IGSF9B: variants seen among roughly 807,000 people sequenced by gnomAD.
IGSF9B encodes the protein protein turtle homolog B.
A neutral mutation model predicts 143.7 loss-of-function variants in IGSF9B; 48 were observed. The observed-to-expected ratio is 0.33, with a 90% CI of 0.26 to 0.42. The LOEUF (loss-of-function observed/expected upper bound fraction) is 0.42. IGSF9B is among the 20% of genes least tolerant of loss of function. The probability of loss-of-function intolerance (pLI) is 1.00; values close to 1 mark genes in which losing one functional copy is unlikely to be tolerated. For synonymous variants in IGSF9B, 903 were observed against 833.1 expected, an observed-to-expected ratio of 1.08 and a Z score of -1.44; for missense variants, 1,706 against 1,980.0, an observed-to-expected ratio of 0.86 and a Z score of 2.63.
chr11:133,914,573 C>T (rs1939348444), intron 18 of IGSF9B, among the ~76,000 whole-genome samples: 1 of 152,106 alleles, frequency 6.6e-6, no homozygotes. Context: ...GCCGATTTTC[C>T]CTTGAGAAAC....
chr11:133,929,839 GC>G, intron 11 of IGSF9B, 57 bp from the exon 12 acceptor site: 2 of 1,189,898 alleles, frequency 1.7e-6, no homozygotes, highest in Non-Finnish European at 2.5e-6. Context: ...GTGGCTGGGT[GC>G]CCACCGTCTG....
intron 1 of IGSF9B, among the ~76,000 whole-genome samples, chr11:133,954,306 T>C (rs900906170): frequency 6.6e-6 from 1 of 152,170 alleles, no homozygotes; most frequent in African/African-American, 2.4e-5. Context: ...TGCAAAGGAC[T>C]TCCGAGCAGC....
At position 133,909,016 on chromosome 11, in the gene IGSF9B, T is replaced by G; in HGVS notation, c.*53A>C. ...AGGACACACCCCCACACAGTGGCCC[T>G]CCCTGCCTGAGCCCAGCAACCTCGC... On this transcript the variant is annotated 3_prime_UTR_variant, in exon 20 of 20. Coordinates refer to ENST00000533871, the MANE Select transcript of IGSF9B (RefSeq NM_001277285.4). The surrounding 1 kb of genome is among the most constrained non-coding windows in gnomAD (Gnocchi z 4.2). The G allele has an allele frequency of 6.8e-7, 1 of 1,465,916 alleles. No homozygotes were observed. The highest frequency in any genetic ancestry group is 9.2e-7 in the Non-Finnish European group (1 of 1,086,616). The allele number at this position is 1,465,916 out of a possible 1,614,324, so 90.8% of individuals were successfully genotyped here.
At position 133,946,001 on chromosome 11, in the gene IGSF9B, A is replaced by G; in HGVS notation, c.262+60T>C. On this transcript the variant is annotated intron_variant, in intron 2 of 19. Coordinates refer to ENST00000533871, the MANE Select transcript of IGSF9B (RefSeq NM_001277285.4). ...AGGACAAGGCAGGGGCCAGAGGGGA[A>G]CCACCGAGGAGCTGACTCCAGCTGG... The G allele has an allele frequency of 3.3e-6, 4 of 1,201,800 alleles. No individual in the cohort carries two copies. The East Asian group carries it at 7.7e-5, about 23-fold the overall frequency. 74.4% of individuals were successfully genotyped at this position (1,201,800 alleles called of 1,614,324 possible).
In IGSF9B at chr11:133,897,376, A is replaced by G. The variant is rs545583; in HGVS notation, c.*11693T>C. ...TGCGTGCACACACGCACACGCACAC[A>G]CACGCACAGGTATGCACACATATAT... On this transcript the variant is annotated 3_prime_UTR_variant, in exon 20 of 20. Coordinates refer to ENST00000533871, the MANE Select transcript of IGSF9B (RefSeq NM_001277285.4). The G allele has an allele frequency of 7.7e-6, 1 of 129,514 alleles. No homozygotes were observed. Among genetic ancestry groups the G allele is most frequent in the Non-Finnish European group, 1.9e-5 (1 of 53,526 alleles). The allele number at this position is 129,514 out of a possible 1,614,324, so 8.0% of individuals were successfully genotyped here.
chr11:133,955,133 C>T (rs1240337611), intron 1 of IGSF9B, among the ~76,000 whole-genome samples: 2 of 152,020 alleles, frequency 1.3e-5, no homozygotes, highest in African/African-American at 4.8e-5. Flanking sequence ...ATACCAAAAA[C>T]GGGAGGGGAG....
intron 18 of IGSF9B, among the ~76,000 whole-genome samples, chr11:133,919,419 A>G (rs1329628473): frequency 1.3e-5 from 2 of 152,176 alleles, no homozygotes; most frequent in Non-Finnish European, 2.9e-5. Flanking sequence ...GTCAACTCCA[A>G]GAGGGACGGG....
In IGSF9B at chr11:133,932,154, A is replaced by G. The variant is rs1939743361; in HGVS notation, c.1027T>C (p.Tyr343His). 1.2e-6 allele frequency: 2 copies of G among 1,610,890 alleles called. No individual in the cohort carries two copies. The highest frequency in any genetic ancestry group is 1.7e-6 in the Non-Finnish European group (2 of 1,178,576). The change falls in exon 8 of 20, where the codon TAC becomes CAC. Residue 343 changes from tyrosine to histidine, a missense_variant. Around this residue, in one of 7 missense-constraint regions of IGSF9B, gnomAD observed 238 missense variants for 452.6 expected, o/e 0.53. Coordinates refer to ENST00000533871, the MANE Select transcript of IGSF9B (RefSeq NM_001277285.4). ...TCTGCGTCCACAGGGCAGCGGATGT[A>G]GCCATGGATCCCCACGGGCACGTAA... ...VIYVPVGIHG[Y>H]IRCPVDAEPP... is the part of the protein sequence containing the mutation.
chr11:133,939,950 C>T (rs1172301313), intron 3 of IGSF9B, among the ~76,000 whole-genome samples: 2 of 145,990 alleles, frequency 1.4e-5, no homozygotes, highest in African/African-American at 2.6e-5. Context: ...AAAACACACA[C>T]CTCGCATGTC....
Position 133,920,000 on chromosome 11 carries a change from G to C in IGSF9B, c.3725C>G (p.Pro1242Arg), listed in dbSNP as rs376944502. The C allele has an allele frequency of 1.4e-4, 225 of 1,582,056 alleles. No individual in the cohort carries two copies. The highest frequency in any genetic ancestry group is 6.8e-4 in the Admixed American group (37 of 54,524). The stretch of plus-strand genomic sequence containing the variant: ...CTTTCGAGAAAAGCTGACTGCAGCC[G>C]GCGGCTGCAGGGTGATCTCTGACAT... The part of the protein sequence containing the change: ...AEMSEITLQP[P>R]AAVSFSRKST... Residue 1242 changes from proline (P) to arginine (R), a missense_variant, in exon 18 of 20, where the codon CCG (proline) becomes CGG (arginine). Around this residue, in one of 7 missense-constraint regions of IGSF9B, gnomAD observed 880 missense variants for 762.9 expected, o/e 1.15. Transcript: ENST00000533871.
rs766935698 is a variant in IGSF9B, at chr11:133,920,103, G to T, written c.3622C>A (p.Pro1208Thr). The change falls in exon 18 of 20, where the codon CCC (proline) becomes ACC (threonine). Residue 1208 changes from proline to threonine, a missense_variant. Around this residue, in one of 7 missense-constraint regions of IGSF9B, gnomAD observed 880 missense variants for 762.9 expected, o/e 1.15. Coordinates refer to ENST00000533871, the MANE Select transcript of IGSF9B (RefSeq NM_001277285.4). ...PSRLSPLTQS[P>T]LSSRTGSPEL... is the part of the protein sequence containing the mutation. ...GGGGAGCCGGTGCGGGAGCTGAGGG[G>T]GCTTTGGGTCAGAGGTGAGAGCCGG... is the stretch of plus-strand genomic sequence containing the variant. The T allele has an allele frequency of 1.1e-5, 16 of 1,520,982 alleles. No homozygotes were observed. The highest frequency in any genetic ancestry group is 1.4e-5 in the Non-Finnish European group (16 of 1,135,022). The allele number at this position is 1,520,982 out of a possible 1,614,324, so 94.2% of individuals were successfully genotyped here.
At chr11:133,929,402 C>G (rs571766103) in intron 12 of IGSF9B, among the ~76,000 whole-genome samples, 1 of 152,214 alleles carries the variant, frequency 6.6e-6, no homozygotes, top group African/African-American at 2.4e-5. Flanking sequence ...GGACGCAAAA[C>G]GAGGCAGCAC....
intron 1 of IGSF9B, among the ~76,000 whole-genome samples, chr11:133,952,954 G>T (rs1354006418): frequency 1.3e-5 from 2 of 152,184 alleles, no homozygotes. Context: ...CCCAACCTGA[G>T]AAGGCCACAG....
At position 133,931,382 on chromosome 11, in the gene IGSF9B, C is replaced by T; in HGVS notation, c.1368+71G>A. ...CCCGGGGCTCGCTGGGCCCTCAAAC[C>T]TCCCCGCAGCCCCAGGGCTCCCTGG... On this transcript the variant is annotated intron_variant, in intron 10 of 19. Transcript: ENST00000533871. The surrounding 1 kb of genome is among the most constrained non-coding windows in gnomAD (Gnocchi z 7.7). 3 of 1,166,562 alleles carry T rather than the reference C, an allele frequency of 2.6e-6. No individual in the cohort carries two copies. The highest frequency in any genetic ancestry group is 3.7e-6 in the Non-Finnish European group (3 of 805,214). 72.3% of individuals were successfully genotyped at this position (1,166,562 alleles called of 1,614,324 possible). A position where few individuals can be genotyped will look rare whatever the true frequency, so the allele number is the denominator to read the frequency against.
rs912728004 is a variant in IGSF9B at position 133,953,096 on chromosome 11, T to A, written c.64+3595A>T. 1.3e-5 allele frequency among the ~76,000 whole-genome samples: 2 copies of A among 152,116 alleles called. No individual in the cohort carries two copies. Among genetic ancestry groups the A allele is most frequent in the African/African-American group, 4.8e-5 (2 of 41,430 alleles). ...AAGGAAGAAGACACAGCCAGCACCC[T>A]GGCTGGGGAGAAGGCAAAGGTACAG... On this transcript the variant is annotated intron_variant, in intron 1 of 19. Coordinates refer to ENST00000533871, the MANE Select transcript of IGSF9B (RefSeq NM_001277285.4). The surrounding 1 kb of genome is among the most constrained non-coding windows in gnomAD (Gnocchi z 4.2).
At chr11:133,935,094 G>T (rs1939798127) in intron 7 of IGSF9B, among the ~76,000 whole-genome samples, 1 of 152,204 alleles carries the variant, frequency 6.6e-6, no homozygotes, top group Non-Finnish European at 1.5e-5. Flanking sequence ...CATTCATCTG[G>T]ATCTCCAGCC....
rs1390618094 is a variant in IGSF9B, at chr11:133,907,417, G to T, written c.*1652C>A. On this transcript the variant is annotated 3_prime_UTR_variant, in exon 20 of 20. Coordinates refer to ENST00000533871, the MANE Select transcript of IGSF9B (RefSeq NM_001277285.4). ...CTGCCGTGGCTCACGTCCAAGCAGG[G>T]AACTCGGGAGAGGTGGGTGCCCCCA... 6.6e-6 allele frequency among the ~76,000 whole-genome samples: 1 copy of T among 152,202 alleles called. No individual in the cohort carries two copies. The highest frequency in any genetic ancestry group is 1.5e-5 in the Non-Finnish European group (1 of 68,038).
rs184047750 is a variant in IGSF9B, at chr11:133,903,996, G to A, written c.*5073C>T. 4.1e-3 allele frequency among the ~76,000 whole-genome samples: 617 copies of A among 152,246 alleles called. 1 individual carries two copies. Among genetic ancestry groups the A allele is most frequent in the African/African-American group, 0.014 (582 of 41,526 alleles). ...AGACATTAAAGAGAGAAGAATGGCT[G>A]GTCAAGCCAAGAGTTTCAGGTGAAA... is the stretch of plus-strand genomic sequence containing the variant. On this transcript the variant is annotated 3_prime_UTR_variant, in exon 20 of 20. Transcript: ENST00000533871.
chr11:133,919,132 G>A (rs1939458450), intron 18 of IGSF9B: 1 of 377,748 alleles, frequency 2.6e-6, no homozygotes, highest in Non-Finnish European at 5.3e-6. Context: ...GGGGGGGTGG[G>A]GGACGTGTCC....
Sources: gnomAD v4.1 joint callset for allele counts (sites outside exome capture counted in the v4.1 genomes callset) on GRCh38, gnomAD v4.1.1 for gene constraint, gnomAD v4.1.1 regional missense constraint, Gnocchi (gnomAD v3.1) non-coding constraint, MANE v1.5 for transcripts, NCBI Gene and HGNC (gene_info 2026-07-23, HGNC 2026-07-21) for gene names.